COL12A1: variants seen among roughly 807,000 people sequenced by gnomAD.
The protein encoded by COL12A1 is collagen type XII alpha 1 chain, also known as collagen alpha-1(XII) chain.
A neutral mutation model predicts 349.7 loss-of-function variants in COL12A1; 114 were observed. That is an observed-to-expected ratio of 0.33 (90% CI 0.28 to 0.38). COL12A1 has a LOEUF of 0.38. Among genes scored for constraint, COL12A1 ranks in the 10% least tolerant of loss-of-function variants. The probability of loss-of-function intolerance (pLI) is 1.00; values close to 1 mark genes in which losing one functional copy is unlikely to be tolerated. For missense variants in COL12A1, 3,284 were observed against 3,756.9 expected (o/e 0.87, Z 3.29); for synonymous variants, 1,369 against 1,329.0 (o/e 1.03, Z -0.66).
chr6:75,119,537 T>G (rs1321637607), intron 44 of COL12A1, 64 bp from the exon 45 acceptor site: 4 of 1,539,418 alleles, frequency 2.6e-6, no homozygotes, highest in Non-Finnish European at 3.5e-6. Flanking sequence ...AATCTTCAAA[T>G]GATTCTCTAG....
chr6:75,175,739 A>ACACT (rs201676984), intron 12 of COL12A1, among the ~76,000 whole-genome samples: 1,968 of 152,378 alleles, frequency 0.013, 37 homozygotes, highest in African/African-American at 0.045. Context: ...TCTAAAGGTA[A>ACACT]CAGGAGCGAA....
chr6:75,129,427 T>C (rs1191826058), intron 37 of COL12A1, among the ~76,000 whole-genome samples: 1 of 152,166 alleles, frequency 6.6e-6, no homozygotes, highest in Non-Finnish European at 1.5e-5. Flanking sequence ...ATTCTGCAAA[T>C]GTATCACAGC....
chr6:75,156,936 A>G (rs1767798982), intron 14 of COL12A1, among the ~76,000 whole-genome samples: 2 of 152,218 alleles, frequency 1.3e-5, no homozygotes, highest in South Asian at 4.1e-4. Context: ...ACTTTTTCAG[A>G]AAAAGTTGCA....
chr6:75,178,459 C>A (rs1191899793), intron 11 of COL12A1, among the ~76,000 whole-genome samples: 1 of 152,162 alleles, frequency 6.6e-6, no homozygotes, highest in African/African-American at 2.4e-5. Flanking sequence ...CAACCATACA[C>A]AGGATGGAAC....
intron 13 of COL12A1, among the ~76,000 whole-genome samples, chr6:75,170,012 T>A (rs1176236233): frequency 6.6e-6 from 1 of 152,246 alleles, no homozygotes; most frequent in African/African-American, 2.4e-5. Context: ...CTTCTCATGA[T>A]CTGAACATCC....
chr6:75,196,729 C>T (rs1381420385), intron 2 of COL12A1, among the ~76,000 whole-genome samples: 1 of 152,074 alleles, frequency 6.6e-6, no homozygotes, highest in African/African-American at 2.4e-5. Context: ...TGGCTCAGGA[C>T]AAATTTAATG....
At position 75,184,104 on chromosome 6, in the gene COL12A1, A is replaced by G. The variant is rs1263689592; in HGVS notation, c.1038T>C (p.Ser346=). 2 of 1,614,024 alleles carry G rather than the reference A, an allele frequency of 1.2e-6. No homozygotes were observed. Among genetic ancestry groups the G allele is most frequent in the African/African-American group, 2.7e-5 (2 of 74,918 alleles). ...TCCAATTTAGCTTAACATATTTTGA[A>G]GAGACTTCCATGGCAATCAAATTTG... ...PPSNLIAMEV[S]SKYVKLNWNP... Residue 346 remains serine (S), a synonymous_variant, in exon 9 of 66, where the codon TCT becomes TCC. Coordinates refer to ENST00000322507, the MANE Select transcript of COL12A1 (RefSeq NM_004370.6).
chr6:75,179,788 C>T (rs1582189173), intron 11 of COL12A1, among the ~76,000 whole-genome samples: 1 of 152,176 alleles, frequency 6.6e-6, no homozygotes. Context: ...AGAATAATTG[C>T]CTTGCCTTAG....
chr6:75,175,032 A>G lies in COL12A1; in HGVS notation c.2710+6T>C, dbSNP rs1283456316. ...CTGGATTTTCAGAAAATATGATGGT[A>G]ATTACCTTCAAGTGTTGTTCCTTCA... On this transcript the variant is annotated splice_donor_region_variant and intron_variant, in intron 13 of 65. Coordinates refer to ENST00000322507, the MANE Select transcript of COL12A1 (RefSeq NM_004370.6). The G allele has an allele frequency of 2.5e-6, 4 of 1,613,292 alleles. No individual in the cohort carries two copies. The highest frequency in any genetic ancestry group is 3.4e-6 in the Non-Finnish European group (4 of 1,179,672).
chr6:75,123,804 C>A lies in COL12A1; in HGVS notation c.6871+144G>T, dbSNP rs1003072010. The stretch of plus-strand genomic sequence containing the variant: ...AAAGGTCCTGAACCAGCTTTAGACT[C>A]CACATTCAGGAATCTGCCATCATCC... On this transcript the variant is annotated intron_variant, in intron 42 of 65. Coordinates refer to ENST00000322507, the MANE Select transcript of COL12A1 (RefSeq NM_004370.6). 4 of 900,614 alleles carry A rather than the reference C, an allele frequency of 4.4e-6. No individual in the cohort carries two copies. In the Admixed American group the frequency reaches 1.2e-4, roughly 28 times the overall value. 55.8% of individuals were successfully genotyped at this position (900,614 alleles called of 1,614,324 possible).
rs756809634 is a variant in COL12A1, at chr6:75,102,003, C to G, written c.8465G>C (p.Arg2822Pro). 1 of 1,614,118 alleles carries G rather than the reference C, an allele frequency of 6.2e-7. No individual in the cohort carries two copies. The highest frequency in any genetic ancestry group is 2.2e-5 in the East Asian group (1 of 44,878). The stretch of plus-strand genomic sequence containing the variant: ...GCAACTTAGAGACCAACTCACTGTT[C>G]GGCCTGGAAGTCCTGGCTCTCCAGC... ...GDAGEPGLPG[R>P]TGTPGLPGPP... The change falls in exon 57 of 66, where the codon CGA (arginine) becomes CCA (proline). Residue 2822 changes from arginine (R) to proline (P), a missense_variant. Around this residue, in one of 2 missense-constraint regions of COL12A1, gnomAD observed 683 missense variants for 932.1 expected, o/e 0.73. Transcript: ENST00000322507.
chr6:75,091,711 C>A (rs1047698607), intron 60 of COL12A1, among the ~76,000 whole-genome samples, 186 bp from the exon 61 acceptor site: 6 of 152,104 alleles, frequency 3.9e-5, no homozygotes, highest in African/African-American at 1.5e-4. Context: ...CTCTCTCTCT[C>A]TCTCTCTTTC....
chr6:75,095,797 T>C (rs1277519200), intron 59 of COL12A1, among the ~76,000 whole-genome samples: 3 of 152,170 alleles, frequency 2.0e-5, no homozygotes. Flanking sequence ...CCTAGTAAAT[T>C]GGTTACAAAG....
intron 2 of COL12A1, among the ~76,000 whole-genome samples, chr6:75,196,773 A>T (rs913584601): frequency 1.6e-4 from 25 of 152,262 alleles, no homozygotes; most frequent in Non-Finnish European, 3.2e-4. Flanking sequence ...GCATGCTTTT[A>T]AAAAAAATCA....
intron 10 of COL12A1, among the ~76,000 whole-genome samples, chr6:75,181,800 A>G (rs1242983407): frequency 6.6e-6 from 1 of 152,126 alleles, no homozygotes; most frequent in Non-Finnish European, 1.5e-5. Context: ...AACCAAAAAA[A>G]AAAGGCAGGA....
intron 49 of COL12A1, among the ~76,000 whole-genome samples, chr6:75,115,118 T>A (rs1348820293): frequency 1.3e-5 from 2 of 152,144 alleles, no homozygotes; most frequent in Non-Finnish European, 2.9e-5. Context: ...TCAGAGCATT[T>A]CATATTTCAG....
intron 27 of COL12A1, among the ~76,000 whole-genome samples, chr6:75,139,194 A>T (rs1040137275): frequency 6.6e-6 from 1 of 152,156 alleles, no homozygotes; most frequent in African/African-American, 2.4e-5. Flanking sequence ...TTAAGATACC[A>T]TTTAGTACCT....
chr6:75,137,920 C>G (rs1766703985), intron 30 of COL12A1, among the ~76,000 whole-genome samples: 1 of 151,680 alleles, frequency 6.6e-6, no homozygotes, highest in Admixed American at 6.6e-5. Flanking sequence ...AGAGTTTATT[C>G]TCTCTCTCTC....
intron 59 of COL12A1, among the ~76,000 whole-genome samples, chr6:75,095,586 C>T (rs7766168): frequency 0.039 from 5,607 of 143,692 alleles, 349 homozygotes; most frequent in African/African-American, 0.14. Context: ...CACTGCAGTC[C>T]GCAGTCCGGC....
Sources: allele counts gnomAD v4.1 joint callset (sites outside exome capture counted in the v4.1 genomes callset), GRCh38; gene constraint gnomAD v4.1.1; regional missense constraint gnomAD v4.1.1; transcripts MANE v1.5; gene names NCBI Gene and HGNC (gene_info 2026-07-23, HGNC 2026-07-21).